The following STK26 variants were observed in gnomAD, a reference collection of about 807,000 sequenced individuals.
STK26 encodes serine/threonine kinase 26.
A neutral mutation model predicts 34.7 loss-of-function variants in STK26; 14 were observed. The observed-to-expected ratio is 0.40, with a 90% confidence interval of 0.27 to 0.63. The LOEUF (loss-of-function observed/expected upper bound fraction) is 0.63. Among genes scored for constraint, STK26 ranks in the 30% least tolerant of loss-of-function variants. The pLI is 0.38. For synonymous variants in STK26, 100 were observed against 109.8 expected (o/e 0.91, Z 0.56); for missense variants, 226 against 309.1 (o/e 0.73, Z 2.02).
chrX:132,027,512 A>G (rs768780772), intron 2 of STK26, among the ~76,000 whole-genome samples: 1 of 111,873 alleles, frequency 8.9e-6, no homozygotes, highest in African/African-American at 3.3e-5. Flanking sequence ...CAAGGAGCAT[A>G]TGTATACAAT....
chrX:132,026,631 A>G (rs1320620825), intron 2 of STK26, among the ~76,000 whole-genome samples: 2 of 112,551 alleles, frequency 1.8e-5, no homozygotes, highest in African/African-American at 6.5e-5. Context: ...AGAGCCTACA[A>G]TAGTATTTTT....
chrX:132,037,769 CTT>C (rs755403402), intron 2 of STK26, among the ~76,000 whole-genome samples: 138 of 51,849 alleles, frequency 2.7e-3, no homozygotes, highest in Non-Finnish European at 3.4e-3. Context: ...CGGAGAGCTG[CTT>C]TTTTTTTTTT....
At chrX:132,027,113 A>G (rs1935116404) in intron 2 of STK26, among the ~76,000 whole-genome samples, 1 of 112,223 alleles carries the variant, frequency 8.9e-6, no homozygotes, top group African/African-American at 3.2e-5. Context: ...TTCTCACTGG[A>G]AGTGTTGAAG....
chrX:132,058,214 A>G (rs943713774), intron 3 of STK26, among the ~76,000 whole-genome samples: 1 of 109,350 alleles, frequency 9.1e-6, no homozygotes, highest in Non-Finnish European at 1.9e-5. Context: ...ATTCCCATAC[A>G]ATTCCTTGGT....
rs552408502 is a variant in STK26, at chrX:132,029,423, G to A, written c.42+5764G>A. On this transcript the variant is annotated intron_variant, in intron 2 of 11. Coordinates refer to ENST00000394334, the MANE Select transcript of STK26 (RefSeq NM_016542.4). ...TGGAGTTGGAGCTCCTTTGTAAAAGGTGTTATGATGTATGGGGGGCAGTTC... is the reference window on the plus strand; with the variant it reads ...TGGAGTTGGAGCTCCTTTGTAAAAGATGTTATGATGTATGGGGGGCAGTTC... Among the ~76,000 whole-genome samples, 9 of 111,303 alleles carry A rather than the reference G, an allele frequency of 8.1e-5. No homozygotes were observed. In the South Asian group the frequency reaches 3.4e-3, roughly 43 times the overall value.
intron 3 of STK26, among the ~76,000 whole-genome samples, chrX:132,060,378 A>G (rs1927006643): frequency 9.0e-6 from 1 of 111,354 alleles, no homozygotes; most frequent in African/African-American, 3.3e-5. Flanking sequence ...AAGCTGGAGG[A>G]AAATGACTCA....
At chrX:132,031,660 T>C (rs1482913836) in intron 2 of STK26, among the ~76,000 whole-genome samples, 1 of 112,405 alleles carries the variant, frequency 8.9e-6, no homozygotes, top group Non-Finnish European at 1.9e-5. Context: ...AGTACTGTCT[T>C]GTGTATACAT....
At chrX:132,043,776 T>C (rs1926348878) in intron 2 of STK26, among the ~76,000 whole-genome samples, 1 of 111,122 alleles carries the variant, frequency 9.0e-6, no homozygotes, top group Non-Finnish European at 1.9e-5. Context: ...TTAATAGTGA[T>C]TGTAGATGTG....
At position 132,035,788 on chromosome X, in the gene STK26, C is replaced by CAA. The variant is rs201183460; in HGVS notation, c.42+12139_42+12140dup. On this transcript the variant is annotated intron_variant, in intron 2 of 11. Transcript: ENST00000394334. ...TAGACCTATTATTATGTCCCCCCCT[C>CAA]AAAAAAAAAAACAAACAAACCAGAC... Among the ~76,000 whole-genome samples the CAA allele has an allele frequency of 2.6e-4, 24 of 93,988 alleles. No homozygotes were observed. The East Asian group carries it at 5.6e-3, about 22-fold the overall frequency. The allele number at this position is 93,988 out of a possible 115,157, so 81.6% of individuals were successfully genotyped here.
chrX:132,039,304 T>C (rs1264418575), intron 2 of STK26, among the ~76,000 whole-genome samples: 2 of 111,927 alleles, frequency 1.8e-5, no homozygotes, highest in African/African-American at 6.5e-5. Context: ...AAGAATACTC[T>C]TATTTAATAT....
At chrX:132,059,348 GA>G (rs1926971812) in intron 3 of STK26, among the ~76,000 whole-genome samples, 2 of 112,192 alleles carry the variant, frequency 1.8e-5, no homozygotes, top group African/African-American at 6.5e-5. Flanking sequence ...TTACATTTGA[GA>G]GAAAATTATA....
At chrX:132,072,762 C>G in intron 9 of STK26, 51 bp from the exon 10 acceptor site, 1 of 1,129,412 alleles carries the variant, frequency 8.9e-7, no homozygotes. Flanking sequence ...ATAAGAAAAT[C>G]ATGACACTTA....
Position 132,074,105 on chromosome X carries a change from A to G in STK26, c.1227-30A>G. 4 of 1,173,656 alleles carry G rather than the reference A, an allele frequency of 3.4e-6. No individual in the cohort carries two copies. The South Asian group carries it at 5.6e-5, about 16-fold the overall frequency. ...GAAATATAAACATGCATAGTTGTAC[A>G]TTGGTTTAAATTTTTTAAAAATTTT... On this transcript the variant is annotated intron_variant, in intron 11 of 11. Coordinates refer to ENST00000394334, the MANE Select transcript of STK26 (RefSeq NM_016542.4).
At position 132,075,305 on chromosome X, in the gene STK26, A is replaced by C. The variant is rs1365045999; in HGVS notation, c.*1146A>C. The C allele has an allele frequency of 9.0e-6, 1 of 111,065 alleles. No individual in the cohort carries two copies. 9.2% of individuals were successfully genotyped at this position (111,065 alleles called of 1,213,427 possible). ...TGCCTTTTTCTTTTAAGCCCAGTAC[A>C]TATATTATGCCTGCCTAAGTTCTGA... On this transcript the variant is annotated 3_prime_UTR_variant, in exon 12 of 12. Transcript: ENST00000394334.
intron 3 of STK26, among the ~76,000 whole-genome samples, chrX:132,056,408 T>C (rs1015762942): frequency 2.7e-5 from 3 of 112,080 alleles, no homozygotes; most frequent in African/African-American, 9.7e-5. Flanking sequence ...TGCAGCTTTG[T>C]CACTTGAGAT....
chrX:132,039,264 T>G (rs1197990803), intron 2 of STK26, among the ~76,000 whole-genome samples: 1 of 111,954 alleles, frequency 8.9e-6, no homozygotes. Flanking sequence ...AAAAATTTCT[T>G]TAACTGAAAA....
intron 2 of STK26, among the ~76,000 whole-genome samples, chrX:132,050,120 A>T (rs1926633451): frequency 9.1e-6 from 1 of 109,556 alleles, no homozygotes; most frequent in African/African-American, 3.3e-5. Flanking sequence ...TTCTGCGAGA[A>T]CTCCAAGACT....
At chrX:132,027,719 C>A (rs776747346) in intron 2 of STK26, among the ~76,000 whole-genome samples, 116 of 111,498 alleles carry the variant, frequency 1.0e-3, no homozygotes, top group Non-Finnish European at 1.7e-3. Flanking sequence ...TTTGAACTAG[C>A]CATTAAACAT....
intron 3 of STK26, among the ~76,000 whole-genome samples, chrX:132,056,966 T>C (rs1926880959): frequency 8.9e-6 from 1 of 112,047 alleles, no homozygotes; most frequent in African/African-American, 3.2e-5. Flanking sequence ...ACAGGCTAGC[T>C]TTCAGTGGTG....
Sources: allele counts gnomAD v4.1 joint callset (sites outside exome capture counted in the v4.1 genomes callset), GRCh38; gene constraint gnomAD v4.1.1; transcripts MANE v1.5; gene names NCBI Gene and HGNC (gene_info 2026-07-23, HGNC 2026-07-21).